Variants in GRID2 observed in about 807,000 individuals in gnomAD.
GRID2 encodes glutamate ionotropic receptor delta type subunit 2.
Under a neutral mutation model 114.8 loss-of-function variants are expected in GRID2, and 33 were observed. The observed-to-expected ratio is 0.29, with a 90% CI of 0.22 to 0.38. GRID2 has a LOEUF of 0.38. Ranked by LOEUF, GRID2 falls within the 10% of genes least tolerant of loss-of-function variation. The probability of loss-of-function intolerance (pLI) is 1.00; values close to 1 mark genes in which losing one functional copy is unlikely to be tolerated. For missense variants in GRID2, 1,184 were observed against 1,257.7 expected, an observed-to-expected ratio of 0.94 and a Z score of 0.89; for synonymous variants, 505 against 449.9, an observed-to-expected ratio of 1.12 and a Z score of -1.55.
At chr4:92,710,064 T>G (rs557716682) in intron 2 of GRID2, among the ~76,000 whole-genome samples, 8 of 152,256 alleles carry the variant, frequency 5.3e-5, no homozygotes, top group African/African-American at 1.7e-4. Context: ...GACATACAGT[T>G]TATATTACTT....
intron 1 of GRID2, among the ~76,000 whole-genome samples, chr4:92,522,632 T>A (rs1426920763): frequency 6.6e-6 from 1 of 151,952 alleles, no homozygotes; most frequent in East Asian, 1.9e-4. Flanking sequence ...GTAGTCAAGT[T>A]ATTTATATGA....
intron 14 of GRID2, among the ~76,000 whole-genome samples, chr4:93,647,791 A>G (rs1175001140): frequency 6.6e-6 from 1 of 152,222 alleles, no homozygotes; most frequent in Non-Finnish European, 1.5e-5. Flanking sequence ...CAACTAATTT[A>G]AAGAATTGAC....
intron 2 of GRID2, among the ~76,000 whole-genome samples, chr4:93,045,177 A>G (rs1163157555): frequency 6.6e-6 from 1 of 152,122 alleles, no homozygotes; most frequent in East Asian, 1.9e-4. Context: ...TTTCATGTAT[A>G]TAGATATCTC....
At chr4:92,927,494 G>A (rs1021812496) in intron 2 of GRID2, among the ~76,000 whole-genome samples, 1 of 151,798 alleles carries the variant, frequency 6.6e-6, no homozygotes, top group Non-Finnish European at 1.5e-5. Flanking sequence ...CCTGTACACA[G>A]TTGGGTTGCA....
intron 8 of GRID2, among the ~76,000 whole-genome samples, chr4:93,340,150 G>A (rs1438499536): frequency 1.3e-5 from 2 of 151,516 alleles, no homozygotes; most frequent in Admixed American, 6.6e-5. Context: ...GCCTTGTGCT[G>A]TGTAACTAGT....
At chr4:93,735,724 TAACTC>T (rs1730869580) in intron 14 of GRID2, among the ~76,000 whole-genome samples, 1 of 152,080 alleles carries the variant, frequency 6.6e-6, no homozygotes, top group Non-Finnish European at 1.5e-5. Context: ...TCTTCTGTAT[TAACTC>T]ATTTAGTGGA....
intron 2 of GRID2, among the ~76,000 whole-genome samples, chr4:92,888,871 G>GA (rs561420242): frequency 2.3e-4 from 34 of 148,490 alleles, no homozygotes; most frequent in South Asian, 4.3e-4. Flanking sequence ...CACTTGGAAA[G>GA]AAAAAAAAAC....
At chr4:92,974,036 C>T (rs996145865) in intron 2 of GRID2, among the ~76,000 whole-genome samples, 5 of 152,118 alleles carry the variant, frequency 3.3e-5, no homozygotes, top group South Asian at 2.1e-4. Context: ...AGGCTATGAA[C>T]GACACTTTTC....
intron 2 of GRID2, among the ~76,000 whole-genome samples, chr4:92,757,341 A>C (rs1237574555): frequency 6.6e-6 from 1 of 152,086 alleles, no homozygotes. Flanking sequence ...AAACGATGCT[A>C]TCTGTGATGA....
At chr4:92,415,778 A>ATATC (rs1560616433) in intron 1 of GRID2, among the ~76,000 whole-genome samples, 1 of 115,524 alleles carries the variant, frequency 8.7e-6, no homozygotes, top group African/African-American at 3.5e-5. Context: ...ATATATATAT[A>ATATC]TATCACATTT....
chr4:93,210,561 T>C (rs1743339828), intron 5 of GRID2, among the ~76,000 whole-genome samples: 1 of 152,086 alleles, frequency 6.6e-6, no homozygotes, highest in Non-Finnish European at 1.5e-5. Context: ...AGGATTTTGT[T>C]TTTTGATACA....
rs1024945929 is a variant in GRID2, at chr4:92,935,973, C to T, written c.245-149022C>T. On this transcript the variant is annotated intron_variant, in intron 2 of 15. Coordinates refer to ENST00000282020, the MANE Select transcript of GRID2 (RefSeq NM_001510.4). Reference sequence around the variant, plus strand: ...ATGGGTGCAGCACACCAGCATGGCACGTGTATACATATGTAACTAACCTGC... The same window carrying T: ...ATGGGTGCAGCACACCAGCATGGCATGTGTATACATATGTAACTAACCTGC... 2.1e-5 allele frequency among the ~76,000 whole-genome samples: 3 copies of T among 145,570 alleles called. 1 individual carries two copies. The highest frequency in any genetic ancestry group is 1.5e-4 in the Admixed American group (2 of 13,252).
intron 13 of GRID2, among the ~76,000 whole-genome samples, chr4:93,614,185 G>A (rs756725696): frequency 2.0e-5 from 3 of 152,192 alleles, no homozygotes; most frequent in Non-Finnish European, 2.9e-5. Flanking sequence ...CACGGTGCGT[G>A]CACCCACTGG....
chr4:92,471,149 A>C (rs891800216), intron 1 of GRID2, among the ~76,000 whole-genome samples: 5 of 152,060 alleles, frequency 3.3e-5, no homozygotes, highest in African/African-American at 1.2e-4. Context: ...TGGTACAGTA[A>C]AAACCCCAAG....
chr4:92,981,531 G>T (rs1374276856), intron 2 of GRID2, among the ~76,000 whole-genome samples: 1 of 151,962 alleles, frequency 6.6e-6, no homozygotes, highest in East Asian at 1.9e-4. Flanking sequence ...TATATCTGCG[G>T]CTAACCCTCA....
intron 2 of GRID2, among the ~76,000 whole-genome samples, chr4:92,899,960 G>T (rs953352574): frequency 5.3e-4 from 81 of 152,260 alleles, no homozygotes; most frequent in African/African-American, 1.9e-3. Context: ...GAATGGTCAA[G>T]AAATTAGATG....
rs775825305 is a variant in GRID2 at position 92,912,234 on chromosome 4, G to A, written c.245-172761G>A. ...CAAGGATATATGAGCTTTTAACTTC[G>A]TAAAAGAGAAGGGTATACTACACAT... On this transcript the variant is annotated intron_variant, in intron 2 of 15. Coordinates refer to ENST00000282020, the MANE Select transcript of GRID2 (RefSeq NM_001510.4). Among the ~76,000 whole-genome samples, 17 of 151,872 alleles carry A rather than the reference G, an allele frequency of 1.1e-4. No individual in the cohort carries two copies. In the East Asian group the frequency reaches 2.1e-3, roughly 19 times the overall value.
At chr4:93,465,033 G>A (rs534916110) in intron 11 of GRID2, among the ~76,000 whole-genome samples, 2 of 152,284 alleles carry the variant, frequency 1.3e-5, no homozygotes, top group African/African-American at 4.8e-5. Flanking sequence ...ACTAGTCACA[G>A]AGGTGAATAA....
chr4:92,457,179 A>G (rs1399147489), intron 1 of GRID2, among the ~76,000 whole-genome samples: 1 of 151,962 alleles, frequency 6.6e-6, no homozygotes, highest in Non-Finnish European at 1.5e-5. Context: ...CTATCACCTC[A>G]GTTTTTGACT....
Sources: gnomAD v4.1 joint callset for allele counts (sites outside exome capture counted in the v4.1 genomes callset) on GRCh38, gnomAD v4.1.1 for gene constraint, MANE v1.5 for transcripts, NCBI Gene and HGNC (gene_info 2026-07-23, HGNC 2026-07-21) for gene names.